Variants in ARHGEF12 observed in about 807,000 individuals in gnomAD.
ARHGEF12 encodes the protein Rho guanine nucleotide exchange factor 12, also known as KMT2A/ARHGEF12 fusion protein.
In ARHGEF12, 66 loss-of-function variants were observed where a neutral mutation model predicts 211.2. The ratio of observed to expected loss-of-function variants is 0.31; its 90% CI spans 0.26 to 0.38. The LOEUF is 0.38. Ranked by LOEUF, ARHGEF12 falls within the 10% of genes least tolerant of loss-of-function variation. The pLI is 1.00. For missense variants in ARHGEF12, 1,429 were observed against 1,869.5 expected (o/e 0.76, Z 4.34); for synonymous variants, 592 against 638.4 (o/e 0.93, Z 1.09).
At chr11:120,386,560 G>T (rs1338743522) in intron 1 of ARHGEF12, among the ~76,000 whole-genome samples, 1 of 152,068 alleles carries the variant, frequency 6.6e-6, no homozygotes, top group Non-Finnish European at 1.5e-5. Flanking sequence ...AATTCTTACT[G>T]AGCATTTACA....
chr11:120,456,712 G>T (rs1181564420), intron 22 of ARHGEF12, among the ~76,000 whole-genome samples: 1 of 152,100 alleles, frequency 6.6e-6, no homozygotes, highest in Non-Finnish European at 1.5e-5. Flanking sequence ...TTATTTTTCT[G>T]ACCAGGCATG....
intron 37 of ARHGEF12, among the ~76,000 whole-genome samples, chr11:120,478,684 G>A (rs1947137722): frequency 6.6e-6 from 1 of 152,160 alleles, no homozygotes; most frequent in South Asian, 2.1e-4. Flanking sequence ...AGAACCACTT[G>A]AAATTTTTAA....
chr11:120,396,072 C>G (rs534911412), intron 1 of ARHGEF12, among the ~76,000 whole-genome samples: 1 of 151,970 alleles, frequency 6.6e-6, no homozygotes, highest in Admixed American at 6.6e-5. Context: ...GCAAGTTGAA[C>G]CTAGAGTGCC....
At position 120,474,556 on chromosome 11, in the gene ARHGEF12, C is replaced by G. The variant is rs371645645; in HGVS notation, c.3034-4C>G. 1.2e-4 allele frequency: 193 copies of G among 1,606,842 alleles called. 1 individual carries two copies. The highest frequency in any genetic ancestry group is 1.6e-4 in the Non-Finnish European group (186 of 1,177,004). On this transcript the variant is annotated splice_polypyrimidine_tract_variant and splice_region_variant and intron_variant, in intron 31 of 40. Transcript: ENST00000397843. Reference sequence around the variant, plus strand: ...TTTGTGCATGATTTTCTTTATTTTGCCAGAATTTGGATTTAACAAAAAGGA... The same window carrying G: ...TTTGTGCATGATTTTCTTTATTTTGGCAGAATTTGGATTTAACAAAAAGGA...
chr11:120,347,154 TCCTTCCTTCCTTCCTTCCTTCCTTCCTTC>T (rs1565416994), intron 1 of ARHGEF12, among the ~76,000 whole-genome samples: 1,616 of 102,864 alleles, frequency 0.016, 172 homozygotes, highest in African/African-American at 0.055. Context: ...CTTCCTTCCT[TCCTTCCTTCCTTCCTTCCTTCCTTCCTTC>T]CTTTCTTTCT....
At chr11:120,403,156 G>A (rs4938804) in intron 1 of ARHGEF12, among the ~76,000 whole-genome samples, 65,679 of 151,970 alleles carry the variant, frequency 0.43, 14,583 homozygotes, top group African/African-American at 0.53. Flanking sequence ...TATTCTGAAC[G>A]TTTAAGGCCT....
At chr11:120,398,030 AAAGT>A (rs1296637539) in intron 1 of ARHGEF12, among the ~76,000 whole-genome samples, 2 of 152,136 alleles carry the variant, frequency 1.3e-5, no homozygotes, top group Admixed American at 6.5e-5. Flanking sequence ...GGACATAAAG[AAAGT>A]GAGACATTTC....
intron 11 of ARHGEF12, 38 bp from the exon 12 acceptor site, chr11:120,437,270 C>A: frequency 1.4e-6 from 2 of 1,437,832 alleles, no homozygotes; most frequent in Non-Finnish European, 1.9e-6. Context: ...TTTGGTGTGC[C>A]TATTGAAATG....
intron 7 of ARHGEF12, among the ~76,000 whole-genome samples, chr11:120,425,685 C>T (rs1051787728): frequency 1.3e-5 from 2 of 151,038 alleles, no homozygotes; most frequent in African/African-American, 4.9e-5. Context: ...CATGAGAGTC[C>T]ACCACCTAAA....
intron 1 of ARHGEF12, among the ~76,000 whole-genome samples, chr11:120,353,075 T>G (rs1320172718): frequency 6.6e-6 from 1 of 152,228 alleles, no homozygotes. Context: ...GAACCATCAA[T>G]TAATCTCATG....
At chr11:120,477,342 A>G (rs754884645) in intron 35 of ARHGEF12, 37 bp downstream of exon 35, 11 of 1,605,394 alleles carry the variant, frequency 6.9e-6, no homozygotes, top group Non-Finnish European at 9.4e-6. Flanking sequence ...GACTTATTTT[A>G]TGTTTTGGGT....
intron 6 of ARHGEF12, among the ~76,000 whole-genome samples, chr11:120,422,990 A>G (rs1179882164): frequency 2.6e-5 from 4 of 152,198 alleles, no homozygotes; most frequent in Non-Finnish European, 4.4e-5. Context: ...ATGAAAAATA[A>G]TTTGGAAGAA....
chr11:120,351,627 C>T (rs981858026), intron 1 of ARHGEF12, among the ~76,000 whole-genome samples: 18 of 150,882 alleles, frequency 1.2e-4, no homozygotes, highest in South Asian at 2.1e-4. Flanking sequence ...CCCGCCACCA[C>T]GCCCGTCTAA....
At chr11:120,476,571 T>G (rs1357700227) in intron 33 of ARHGEF12, 90 bp from the exon 34 acceptor site, 2 of 805,288 alleles carry the variant, frequency 2.5e-6, no homozygotes, top group African/African-American at 1.7e-5. Context: ...TTATCTAGTT[T>G]AAGGGGCAGA....
chr11:120,440,649 A>G (rs1340212644), intron 13 of ARHGEF12, among the ~76,000 whole-genome samples: 5 of 152,070 alleles, frequency 3.3e-5, no homozygotes, highest in Non-Finnish European at 5.9e-5. Flanking sequence ...TATGTTGTCT[A>G]TAGTTTTTAT....
At chr11:120,388,119 A>ATC (rs1944096986) in intron 1 of ARHGEF12, among the ~76,000 whole-genome samples, 2 of 152,106 alleles carry the variant, frequency 1.3e-5, no homozygotes, top group Non-Finnish European at 2.9e-5. Context: ...CCCCAGGTGT[A>ATC]CCCATTGACT....
At chr11:120,342,780 C>T (rs1298335622) in intron 1 of ARHGEF12, among the ~76,000 whole-genome samples, 3 of 152,104 alleles carry the variant, frequency 2.0e-5, no homozygotes, top group Non-Finnish European at 4.4e-5. Context: ...TTTTACAAAG[C>T]GATTCTTTCA....
chr11:120,433,679 G>A (rs1945611746), intron 11 of ARHGEF12, among the ~76,000 whole-genome samples: 1 of 152,162 alleles, frequency 6.6e-6, no homozygotes, highest in African/African-American at 2.4e-5. Context: ...TTGTTGGCTG[G>A]GCGCCGTGGA....
intron 1 of ARHGEF12, among the ~76,000 whole-genome samples, chr11:120,404,533 G>C (rs1944636754): frequency 2.0e-5 from 3 of 152,242 alleles, no homozygotes; most frequent in African/African-American, 7.2e-5. Flanking sequence ...CGTGGTCCTT[G>C]TTCATTTTCT....
Sources: allele counts gnomAD v4.1 joint callset (sites outside exome capture counted in the v4.1 genomes callset), GRCh38; gene constraint gnomAD v4.1.1; transcripts MANE v1.5; gene names NCBI Gene and HGNC (gene_info 2026-07-23, HGNC 2026-07-21).